Variants in AK5 observed in about 807,000 individuals in gnomAD.
The protein encoded by AK5 is adenylate kinase 5.
AK5 carries 27 observed loss-of-function variants against 69.5 expected under a neutral mutation model. The ratio of observed to expected loss-of-function variants is 0.39; its 90% CI spans 0.29 to 0.54. AK5 has a LOEUF of 0.54. Among genes scored for constraint, AK5 ranks in the 20% least tolerant of loss-of-function variants. The pLI, the probability that AK5 is intolerant of heterozygous loss-of-function variation, is 0.71. For missense variants in AK5, 531 were observed against 700.4 expected (o/e 0.76, Z 2.73); for synonymous variants, 260 against 244.4 (o/e 1.06, Z -0.60).
intron 13 of AK5, among the ~76,000 whole-genome samples, chr1:77,546,297 C>A (rs1023098360): frequency 6.6e-6 from 1 of 152,142 alleles, no homozygotes. Context: ...AACTCAGAAC[C>A]CCTCCCAGAG....
At chr1:77,387,552 C>A (rs1413192397) in intron 6 of AK5, among the ~76,000 whole-genome samples, 1 of 152,188 alleles carries the variant, frequency 6.6e-6, no homozygotes, top group African/African-American at 2.4e-5. Flanking sequence ...GACATAAATA[C>A]AATTCCCATT....
chr1:77,515,772 C>G (rs1425746189), intron 10 of AK5, among the ~76,000 whole-genome samples: 2 of 152,108 alleles, frequency 1.3e-5, no homozygotes, highest in African/African-American at 4.8e-5. Flanking sequence ...TGAATGTGAC[C>G]GGGCACAGTG....
At chr1:77,312,753 G>A (rs1328665293) in intron 5 of AK5, among the ~76,000 whole-genome samples, 4 of 151,968 alleles carry the variant, frequency 2.6e-5, no homozygotes, top group African/African-American at 9.7e-5. Context: ...GTAACCCAAA[G>A]TCCCTCCATT....
At chr1:77,457,196 G>C (rs115938647) in intron 8 of AK5, among the ~76,000 whole-genome samples, 2,977 of 152,260 alleles carry the variant, frequency 0.02, 131 homozygotes, top group Admixed American at 0.12. Context: ...TGTGTTCCTG[G>C]TGTTCTGAAG....
chr1:77,490,236 A>G (rs1655897660), intron 10 of AK5, among the ~76,000 whole-genome samples: 1 of 152,202 alleles, frequency 6.6e-6, no homozygotes, highest in African/African-American at 2.4e-5. Context: ...GCCTAATCAG[A>G]TGCTCCTTTC....
chr1:77,367,554 T>C (rs1423954311), intron 6 of AK5, among the ~76,000 whole-genome samples: 1 of 28,588 alleles, frequency 3.5e-5, no homozygotes, highest in Non-Finnish European at 7.2e-5. Context: ...ATTTATGTTA[T>C]TTTTATATAT....
At chr1:77,306,727 C>G (rs1460704582) in intron 5 of AK5, among the ~76,000 whole-genome samples, 1 of 151,954 alleles carries the variant, frequency 6.6e-6, no homozygotes, top group Non-Finnish European at 1.5e-5. Flanking sequence ...GCCATCTGGT[C>G]CCAGGCTTTT....
chr1:77,353,175 G>A (rs1445223182), intron 6 of AK5, among the ~76,000 whole-genome samples: 1 of 152,040 alleles, frequency 6.6e-6, no homozygotes, highest in Admixed American at 6.6e-5. Context: ...TGTCATGTAG[G>A]TATTAAAATT....
chr1:77,340,664 A>G, intron 6 of AK5, 96 bp downstream of exon 6: 1 of 1,234,228 alleles, frequency 8.1e-7, no homozygotes, highest in Non-Finnish European at 1.1e-6. Context: ...TTTACCTTAA[A>G]AAGTGGCTTT....
At chr1:77,318,157 T>C (rs998478912) in intron 5 of AK5, among the ~76,000 whole-genome samples, 10 of 152,122 alleles carry the variant, frequency 6.6e-5, no homozygotes, top group African/African-American at 2.4e-4. Flanking sequence ...GGCTCACAGT[T>C]CCACAGGCTG....
chr1:77,418,296 C>T (rs1650561506), intron 8 of AK5, among the ~76,000 whole-genome samples: 1 of 152,142 alleles, frequency 6.6e-6, no homozygotes, highest in African/African-American at 2.4e-5. Context: ...ATTTTAAAAC[C>T]ATCGGATCTT....
At chr1:77,338,518 A>G (rs1357209621) in intron 5 of AK5, among the ~76,000 whole-genome samples, 6 of 152,246 alleles carry the variant, frequency 3.9e-5, no homozygotes, top group African/African-American at 1.4e-4. Flanking sequence ...ATTTGAAAAC[A>G]TAGAACTGGG....
At chr1:77,515,542 G>C (rs1446249619) in intron 10 of AK5, among the ~76,000 whole-genome samples, 4 of 152,220 alleles carry the variant, frequency 2.6e-5, no homozygotes, top group Admixed American at 2.6e-4. Context: ...GATGTGCAAA[G>C]TGCTGTGTGA....
chr1:77,552,939 C>T (rs1247190942), intron 13 of AK5, among the ~76,000 whole-genome samples: 1 of 152,176 alleles, frequency 6.6e-6, no homozygotes, highest in Non-Finnish European at 1.5e-5. Context: ...AATCAGGAGG[C>T]TGAGGCAGGA....
intron 10 of AK5, among the ~76,000 whole-genome samples, chr1:77,496,168 G>A (rs1656303834): frequency 6.6e-6 from 1 of 152,222 alleles, no homozygotes; most frequent in Non-Finnish European, 1.5e-5. Context: ...GAGTCCAAAA[G>A]AAGAAAAGGA....
At chr1:77,361,901 C>T (rs1387393466) in intron 6 of AK5, among the ~76,000 whole-genome samples, 1 of 152,170 alleles carries the variant, frequency 6.6e-6, no homozygotes, top group East Asian at 1.9e-4. Flanking sequence ...GTGGGAGTTA[C>T]AATTCCAGGT....
At chr1:77,469,758 T>C (rs1420477913) in intron 8 of AK5, among the ~76,000 whole-genome samples, 2 of 152,158 alleles carry the variant, frequency 1.3e-5, no homozygotes, top group African/African-American at 2.4e-5. Context: ...AGGGAGGAAA[T>C]GGAAGCATGC....
intron 12 of AK5, among the ~76,000 whole-genome samples, chr1:77,526,611 G>T (rs940999400): frequency 6.6e-6 from 1 of 151,486 alleles, no homozygotes; most frequent in African/African-American, 2.4e-5. Flanking sequence ...AAGTAGCTGG[G>T]ACTACAGGCG....
chr1:77,551,850 A>G (rs540737822), intron 13 of AK5, among the ~76,000 whole-genome samples: 1 of 152,206 alleles, frequency 6.6e-6, no homozygotes, highest in East Asian at 1.9e-4. Flanking sequence ...TCTTTTGTTT[A>G]CCTTTTTTGT....
Sources: gnomAD v4.1 joint callset for allele counts (sites outside exome capture counted in the v4.1 genomes callset) on GRCh38, gnomAD v4.1.1 for gene constraint, MANE v1.5 for transcripts, NCBI Gene and HGNC (gene_info 2026-07-23, HGNC 2026-07-21) for gene names.